VTI1A: variants seen among roughly 807,000 people sequenced by gnomAD.
VTI1A encodes vesicle transport through interaction with t-SNAREs homolog 1A.
A neutral mutation model predicts 34.9 loss-of-function variants in VTI1A; 22 were observed. That is an observed-to-expected ratio of 0.63 (90% CI 0.45 to 0.90). The LOEUF is 0.90. Ranked by LOEUF, VTI1A falls within the 40% of genes least tolerant of loss-of-function variation. VTI1A has a pLI of 0.00. For missense variants in VTI1A, 268 were observed against 275.6 expected (o/e 0.97, Z 0.20); for synonymous variants, 87 against 97.3 (o/e 0.89, Z 0.62).
Position 112,782,316 on chromosome 10 carries a change from C to G in VTI1A, c.561-32974C>G, listed in dbSNP as rs148098628. Among the ~76,000 whole-genome samples, 6 of 152,360 alleles carry G rather than the reference C, an allele frequency of 3.9e-5. No homozygotes were observed. The South Asian group carries it at 1.2e-3, about 32-fold the overall frequency. On this transcript the variant is annotated intron_variant, in intron 7 of 7. Coordinates refer to ENST00000393077, the MANE Select transcript of VTI1A (RefSeq NM_145206.4). Reference sequence around the variant, plus strand: ...CTGAGAGTGGAACACTAAAACCTCACGCCGACTTGGAGGCCACACTGGAAA... The same window carrying G: ...CTGAGAGTGGAACACTAAAACCTCAGGCCGACTTGGAGGCCACACTGGAAA...
chr10:112,803,424 C>CA (rs1369883701), intron 7 of VTI1A, among the ~76,000 whole-genome samples: 1 of 152,180 alleles, frequency 6.6e-6, no homozygotes, highest in African/African-American at 2.4e-5. Flanking sequence ...GAGGTGGGGC[C>CA]ACTGATGGAT....
intron 2 of VTI1A, among the ~76,000 whole-genome samples, chr10:112,463,074 G>A (rs1211119675): frequency 2.6e-5 from 4 of 151,976 alleles, no homozygotes; most frequent in South Asian, 2.1e-4. Flanking sequence ...ACAGGCACCC[G>A]CCACCACACC....
At chr10:112,820,795 C>T (rs996102628), downstream of VTI1A, among the ~76,000 whole-genome samples, 83 of 152,104 alleles carry the variant, frequency 5.5e-4, no homozygotes, top group African/African-American at 1.7e-3. Context: ...TTACCAGAGG[C>T]GAGCAGGGCA....
intron 7 of VTI1A, among the ~76,000 whole-genome samples, chr10:112,791,341 C>CA (rs1417209305): frequency 6.6e-6 from 1 of 152,116 alleles, no homozygotes. Flanking sequence ...ATGCCTACCA[C>CA]AAAAAATAAG....
intron 5 of VTI1A, among the ~76,000 whole-genome samples, chr10:112,637,659 CA>C (rs946533118): frequency 5.7e-5 from 8 of 141,346 alleles, no homozygotes; most frequent in East Asian, 4.2e-4. Flanking sequence ...ACTCCCATCT[CA>C]AAAAAAAAAC....
intron 7 of VTI1A, among the ~76,000 whole-genome samples, chr10:112,768,840 A>C (rs970713256): frequency 6.6e-6 from 1 of 152,172 alleles, no homozygotes; most frequent in African/African-American, 2.4e-5. Context: ...AACTGACTCA[A>C]ATGGTTCTCA....
chr10:112,715,008 A>G (rs796352348), intron 7 of VTI1A, among the ~76,000 whole-genome samples: 17 of 152,292 alleles, frequency 1.1e-4, no homozygotes, highest in Middle Eastern at 3.4e-3. Context: ...TTTGAGCCCA[A>G]ATATTTCCTC....
At chr10:112,562,735 AAG>A (rs1851770917) in intron 5 of VTI1A, among the ~76,000 whole-genome samples, 1 of 152,112 alleles carries the variant, frequency 6.6e-6, no homozygotes, top group Non-Finnish European at 1.5e-5. Context: ...GGAATTTGAA[AAG>A]GGGGGAAAAT....
intron 5 of VTI1A, among the ~76,000 whole-genome samples, chr10:112,599,557 T>C (rs907561615): frequency 3.3e-5 from 5 of 152,152 alleles, no homozygotes; most frequent in Non-Finnish European, 7.3e-5. Flanking sequence ...AGAGACTTTC[T>C]TTCCTTGCTT....
chr10:112,831,998 T>G, the VTI1A span: 2 of 152,098 alleles, frequency 1.3e-5, no homozygotes, highest in African/African-American at 2.4e-5. Flanking sequence ...GACACCACAG[T>G]GTGGGAATCG....
chr10:112,673,468 G>GCGCGCGCGCACACA (rs1554938762), intron 7 of VTI1A, among the ~76,000 whole-genome samples: 2 of 151,562 alleles, frequency 1.3e-5, no homozygotes, highest in African/African-American at 4.8e-5. Context: ...GCGTGCGCGC[G>GCGCGCGCGCACACA]CACACACACA....
intron 7 of VTI1A, among the ~76,000 whole-genome samples, chr10:112,811,659 G>T (rs989549665): frequency 1.5e-5 from 2 of 134,474 alleles, no homozygotes; most frequent in African/African-American, 5.9e-5. Context: ...ACTCCAGCCT[G>T]GGCGACAGAG....
At chr10:112,697,865 C>CGTGTGTGTGTGTGTGTGTGTGTGT (rs762339605) in intron 7 of VTI1A, among the ~76,000 whole-genome samples, 2 of 126,112 alleles carry the variant, frequency 1.6e-5, no homozygotes, top group Non-Finnish European at 3.4e-5. Flanking sequence ...TTAGCATTTA[C>CGTGTGTGTGTGTGTGTGTGTGTGT]ATGTGTGTGT....
chr10:112,514,383 T>G (rs1849706872), intron 3 of VTI1A, among the ~76,000 whole-genome samples: 1 of 151,852 alleles, frequency 6.6e-6, no homozygotes, highest in Non-Finnish European at 1.5e-5. Context: ...CTGAGTAGTC[T>G]CTCCTTTTTT....
intron 5 of VTI1A, among the ~76,000 whole-genome samples, chr10:112,589,123 C>A (rs563368039): frequency 6.7e-6 from 1 of 150,074 alleles, no homozygotes; most frequent in South Asian, 2.1e-4. Context: ...AACTGGTTTG[C>A]CTTCATAAAA....
chr10:112,655,075 G>C (rs1847180400), intron 5 of VTI1A, among the ~76,000 whole-genome samples: 1 of 152,132 alleles, frequency 6.6e-6, no homozygotes, highest in Admixed American at 6.5e-5. Flanking sequence ...CATAGTCTTA[G>C]GGAACCAGCA....
chr10:112,839,210 C>T, the VTI1A span, among the ~76,000 whole-genome samples: 1 of 152,188 alleles, frequency 6.6e-6, no homozygotes, highest in African/African-American at 2.4e-5. Context: ...GCAGGGCCAG[C>T]CCCTTTCCCT....
At chr10:112,855,368 T>C in the VTI1A span, among the ~76,000 whole-genome samples, 1 of 152,200 alleles carries the variant, frequency 6.6e-6, no homozygotes, top group Non-Finnish European at 1.5e-5. Context: ...AATAGACTAC[T>C]GTTTCCACCT....
chr10:112,607,858 G>A (rs1845144265), intron 5 of VTI1A, among the ~76,000 whole-genome samples: 1 of 152,186 alleles, frequency 6.6e-6, no homozygotes, highest in Admixed American at 6.5e-5. Context: ...TCATAGGCAA[G>A]TATCCACATG....
Sources: gnomAD v4.1 joint callset for allele counts (sites outside exome capture counted in the v4.1 genomes callset) on GRCh38, gnomAD v4.1.1 for gene constraint, MANE v1.5 for transcripts, NCBI Gene and HGNC (gene_info 2026-07-23, HGNC 2026-07-21) for gene names.